EHD2: variants seen among roughly 807,000 people sequenced by gnomAD.
EHD2 encodes the protein EH domain containing 2, also known as EH domain-containing protein 2.
A neutral mutation model predicts 41.0 loss-of-function variants in EHD2; 27 were observed. The ratio of observed to expected loss-of-function variants is 0.66; its 90% CI spans 0.49 to 0.91. The LOEUF is 0.91. Ranked by LOEUF, EHD2 falls within the 40% of genes least tolerant of loss-of-function variation. The pLI, the probability that EHD2 is intolerant of heterozygous loss-of-function variation, is 0.00. For missense variants in EHD2, 673 were observed against 773.9 expected, an observed-to-expected ratio of 0.87 and a Z score of 1.55; for synonymous variants, 342 against 341.0, an observed-to-expected ratio of 1.00 and a Z score of -0.03.
intron 2 of EHD2, among the ~76,000 whole-genome samples, chr19:47,717,391 C>G (rs1307336641): frequency 6.6e-6 from 1 of 152,060 alleles, no homozygotes; most frequent in Non-Finnish European, 1.5e-5. Context: ...TCTTGCTGTC[C>G]CCCTTCTCTG....
chr19:47,733,252 T>C (rs1031138086), intron 4 of EHD2, among the ~76,000 whole-genome samples: 1 of 151,504 alleles, frequency 6.6e-6, no homozygotes, highest in Admixed American at 6.6e-5. Context: ...TTTTTTTTTT[T>C]TGAGACAGTG....
chr19:47,716,535 C>T (rs1003573910), intron 1 of EHD2, 23 bp from the exon 2 acceptor site: 9 of 1,431,380 alleles, frequency 6.3e-6, no homozygotes, highest in African/African-American at 4.3e-5. Flanking sequence ...CGCCTATGCT[C>T]ATGCCCTCTC....
rs143098365 is a variant in EHD2 at position 47,742,256 on chromosome 19, C to T, written c.*824C>T. On this transcript the variant is annotated 3_prime_UTR_variant, in exon 6 of 6. Coordinates refer to ENST00000263277, the MANE Select transcript of EHD2 (RefSeq NM_014601.4). ...TTTTTGCCCCCAGTTCTGTCCACACCCCTTCCCTTTCCTGTCCTGTCCTTT... is the reference window on the plus strand; with the variant it reads ...TTTTTGCCCCCAGTTCTGTCCACACTCCTTCCCTTTCCTGTCCTGTCCTTT... 9.7e-6 allele frequency: 3 copies of T among 309,790 alleles called. No homozygotes were observed. The highest frequency in any genetic ancestry group is 6.7e-5 in the African/African-American group (3 of 44,550). 19.2% of individuals were successfully genotyped at this position (309,790 alleles called of 1,614,324 possible).
Position 47,742,119 on chromosome 19 carries a change from A to C in EHD2, c.*687A>C. Reference sequence around the variant, plus strand: ...AAAGCCCCCAATTCTGCCCACACCCATTTATTTCCTTCCTTCCTTCCTTCT... The same window carrying C: ...AAAGCCCCCAATTCTGCCCACACCCCTTTATTTCCTTCCTTCCTTCCTTCT... On this transcript the variant is annotated 3_prime_UTR_variant, in exon 6 of 6. Transcript: ENST00000263277. 1 of 327,666 alleles carries C rather than the reference A, an allele frequency of 3.1e-6. No individual in the cohort carries two copies. Among genetic ancestry groups the C allele is most frequent in the Non-Finnish European group, 5.9e-6 (1 of 170,154 alleles). The allele number at this position is 327,666 out of a possible 1,614,324, so 20.3% of individuals were successfully genotyped here.
chr19:47,730,416 G>A (rs1441354438), intron 4 of EHD2, among the ~76,000 whole-genome samples: 1 of 151,888 alleles, frequency 6.6e-6, no homozygotes, highest in Non-Finnish European at 1.5e-5. Flanking sequence ...GCTCCCCAGT[G>A]CCGTTCAGGA....
At chr19:47,716,494 C>T (rs1973625872) in intron 1 of EHD2, 64 bp from the exon 2 acceptor site, 1 of 1,197,998 alleles carries the variant, frequency 8.3e-7, no homozygotes, top group Non-Finnish European at 1.1e-6. Context: ...ACAGTCTACA[C>T]TCAGACCCCT....
intron 4 of EHD2, chr19:47,731,315 A>AT (rs555237028): frequency 1.5e-3 from 101 of 67,852 alleles, no homozygotes; most frequent in Non-Finnish European, 2.6e-3. Flanking sequence ...TATATATATA[A>AT]TTTTTTTTTT....
rs752344653 is a variant in EHD2 at position 47,726,102 on chromosome 19, C to T, written c.793C>T (p.Pro265Ser). 3 of 1,574,068 alleles carry T rather than the reference C, an allele frequency of 1.9e-6. No individual in the cohort carries two copies. The highest frequency in any genetic ancestry group is 1.7e-4 in the Middle Eastern group (1 of 6,034). ...CTTCTGGTCCCAGCCCCTCCTCGTG[C>T]CCGACAACCGGCGCCTCTTCGAGCT... ...GSFWSQPLLV[P>S]DNRRLFELEE... Residue 265 changes from proline to serine, a missense_variant, in exon 4 of 6, where the codon CCC becomes TCC. By Grantham distance (74) the Pro-to-Ser change is moderately conservative. Coordinates refer to ENST00000263277, the MANE Select transcript of EHD2 (RefSeq NM_014601.4).
chr19:47,725,673 C>T (rs1973743198), intron 3 of EHD2, 139 bp from the exon 4 acceptor site: 3 of 1,176,066 alleles, frequency 2.6e-6, no homozygotes, highest in Non-Finnish European at 1.2e-6. Flanking sequence ...CTATTTTGCC[C>T]AGACAGGATT....
chr19:47,728,810 TCCGC>T (rs896504538), intron 4 of EHD2, among the ~76,000 whole-genome samples: 1 of 152,210 alleles, frequency 6.6e-6, no homozygotes, highest in Non-Finnish European at 1.5e-5. Context: ...CCTCAGGTGA[TCCGC>T]CCGCCTTGGC....
chr19:47,736,460 C>G lies in EHD2; in HGVS notation c.1007C>G (p.Pro336Arg). The G allele has an allele frequency of 6.2e-7, 1 of 1,612,960 alleles. No individual in the cohort carries two copies. The highest frequency in any genetic ancestry group is 8.5e-7 in the Non-Finnish European group (1 of 1,179,620). The change falls in exon 5 of 6, where the codon CCC becomes CGC. Residue 336 changes from proline (P) to arginine (R), a missense_variant. Coordinates refer to ENST00000263277, the MANE Select transcript of EHD2 (RefSeq NM_014601.4). ...NKKKQLILKL[P>R]VIFAKIQLEH... is the part of the protein sequence containing the mutation. ...AAGAAGCAGCTGATCCTCAAACTGC[C>G]CGTCATCTTTGCGAAGATTCAGCTG...
chr19:47,723,707 C>G (rs1293933792), intron 3 of EHD2, among the ~76,000 whole-genome samples: 1 of 146,646 alleles, frequency 6.8e-6, no homozygotes, highest in African/African-American at 2.5e-5. Flanking sequence ...GAGACAAGGT[C>G]TTGCTCTGTC....
At chr19:47,731,289 T>TATATATGTATATATATATATATATACAC (rs1973810439) in intron 4 of EHD2, 1 of 84,464 alleles carries the variant, frequency 1.2e-5, no homozygotes, top group African/African-American at 3.3e-5. Context: ...AATATATATA[T>TATATATGTATATATATATATATATACAC]ATATATATAT....
intron 3 of EHD2, among the ~76,000 whole-genome samples, chr19:47,723,601 A>C (rs1396090007): frequency 7.2e-6 from 1 of 138,580 alleles, no homozygotes; most frequent in African/African-American, 2.7e-5. Flanking sequence ...GGTTGCAGTG[A>C]CCTGAGATCG....
intron 1 of EHD2, among the ~76,000 whole-genome samples, chr19:47,715,675 A>C (rs576686719): frequency 1.3e-5 from 2 of 152,326 alleles, no homozygotes; most frequent in South Asian, 2.1e-4. Context: ...CAGCTTCTGC[A>C]TCCTTCGCCT....
intron 4 of EHD2, among the ~76,000 whole-genome samples, chr19:47,734,199 G>A (rs1966898811): frequency 6.6e-6 from 1 of 152,136 alleles, no homozygotes; most frequent in African/African-American, 2.4e-5. Flanking sequence ...GCTGGGCGTA[G>A]TAGCGGGTGC....
chr19:47,726,722 G>A (rs985857880), intron 4 of EHD2, among the ~76,000 whole-genome samples: 2 of 151,732 alleles, frequency 1.3e-5, no homozygotes, highest in African/African-American at 2.4e-5. Flanking sequence ...TCTTGCCCTG[G>A]CTGGAATGCA....
chr19:47,725,518 C>T (rs1275211489), intron 3 of EHD2, among the ~76,000 whole-genome samples: 1 of 151,690 alleles, frequency 6.6e-6, no homozygotes, highest in Non-Finnish European at 1.5e-5. Context: ...TGCAGGGAGG[C>T]GTGATCCCGC....
chr19:47,722,861 C>T (rs1028722952), intron 3 of EHD2, among the ~76,000 whole-genome samples: 1 of 152,186 alleles, frequency 6.6e-6, no homozygotes, highest in Non-Finnish European at 1.5e-5. Flanking sequence ...AGCCACCACG[C>T]CTAGCTAGTC....
Sources: allele counts gnomAD v4.1 joint callset (sites outside exome capture counted in the v4.1 genomes callset), GRCh38; gene constraint gnomAD v4.1.1; transcripts MANE v1.5; gene names NCBI Gene and HGNC (gene_info 2026-07-23, HGNC 2026-07-21).